Variants in ZNF521 observed in about 807,000 individuals in gnomAD.
ZNF521 encodes the protein zinc finger protein 521.
Under a neutral mutation model 105.5 loss-of-function variants are expected in ZNF521, and 14 were observed. The observed-to-expected ratio is 0.13, with a 90% CI of 0.09 to 0.21. The LOEUF (loss-of-function observed/expected upper bound fraction) is 0.21, where lower values mean the gene tolerates loss of function less well. ZNF521 is among the 10% of genes least tolerant of loss of function. The probability of loss-of-function intolerance (pLI) is 1.00; values close to 1 mark genes in which losing one functional copy is unlikely to be tolerated. For missense variants in ZNF521, 1,233 were observed against 1,629.7 expected (o/e 0.76, Z 4.19); for synonymous variants, 635 against 606.0 (o/e 1.05, Z -0.70).
At chr18:25,207,137 G>A (rs556153784) in intron 4 of ZNF521, among the ~76,000 whole-genome samples, 1 of 152,118 alleles carries the variant, frequency 6.6e-6, no homozygotes, top group East Asian at 1.9e-4. Context: ...AGCTTATATA[G>A]GGTATTGTGG....
chr18:25,139,277 G>A (rs558443981), intron 5 of ZNF521, among the ~76,000 whole-genome samples: 1 of 143,450 alleles, frequency 7.0e-6, no homozygotes, highest in Admixed American at 7.4e-5. Context: ...GGCTAAAGCA[G>A]GAGAATGGCT....
chr18:25,207,797 A>G (rs1281703657), intron 4 of ZNF521, among the ~76,000 whole-genome samples: 1 of 152,216 alleles, frequency 6.6e-6, no homozygotes, highest in African/African-American at 2.4e-5. Context: ...TCATCCCAGA[A>G]AGATTAAACT....
chr18:25,062,752 C>CAAAAAAAT lies in ZNF521; in HGVS notation c.3907-12_3907-11insATTTTTTT. 2.8e-6 allele frequency: 1 copy of CAAAAAAAT among 359,496 alleles called. No homozygotes were observed. Among genetic ancestry groups the CAAAAAAAT allele is most frequent in the East Asian group, 4.7e-5 (1 of 21,420 alleles). The allele number at this position is 359,496 out of a possible 1,614,324, so 22.3% of individuals were successfully genotyped here. On this transcript the variant is annotated splice_polypyrimidine_tract_variant and intron_variant, in intron 7 of 7. Transcript: ENST00000361524. The stretch of plus-strand genomic sequence containing the variant: ...GGTCATTGTATGATTCTGTAAATAA[C>CAAAAAAAT]AAAAAAAAAAAAAAAAAAAAAAAAA...
At chr18:25,272,835 A>T (rs543669592) in intron 3 of ZNF521, among the ~76,000 whole-genome samples, 73 of 152,204 alleles carry the variant, frequency 4.8e-4, no homozygotes, top group African/African-American at 1.7e-3. Flanking sequence ...AGGTGCAGCC[A>T]ACCACCATGG....
chr18:25,121,158 C>T (rs892146508), intron 5 of ZNF521, among the ~76,000 whole-genome samples: 2 of 136,390 alleles, frequency 1.5e-5, no homozygotes, highest in African/African-American at 5.5e-5. Context: ...GTCTCCCAGG[C>T]TGGAGTGCAG....
chr18:25,155,163 T>C (rs2035120087), intron 5 of ZNF521, among the ~76,000 whole-genome samples: 1 of 152,192 alleles, frequency 6.6e-6, no homozygotes, highest in African/African-American at 2.4e-5. Flanking sequence ...TTCTTGTAAC[T>C]GTTGGCCATT....
intron 5 of ZNF521, among the ~76,000 whole-genome samples, chr18:25,140,368 A>T (rs796112492): frequency 2.6e-5 from 4 of 152,346 alleles, no homozygotes; most frequent in African/African-American, 9.6e-5. Context: ...ATATTGTCAG[A>T]GAAAACGTGA....
At chr18:25,142,327 C>A (rs1420787511) in intron 5 of ZNF521, among the ~76,000 whole-genome samples, 1 of 152,170 alleles carries the variant, frequency 6.6e-6, no homozygotes, top group East Asian at 1.9e-4. Flanking sequence ...TGCATCACTA[C>A]TGACTTTTAA....
At chr18:25,180,521 A>AAAAC (rs1555644162) in intron 5 of ZNF521, among the ~76,000 whole-genome samples, 13 of 152,002 alleles carry the variant, frequency 8.6e-5, no homozygotes, top group African/African-American at 3.1e-4. Flanking sequence ...GCAAAAAAAA[A>AAAAC]AAACCCCACA....
chr18:25,239,978 C>T, intron 3 of ZNF521, among the ~76,000 whole-genome samples: 1 of 151,686 alleles, frequency 6.6e-6, no homozygotes, highest in Non-Finnish European at 1.5e-5. Flanking sequence ...TTTTTCAAGC[C>T]ATCTTATCTT....
At chr18:25,296,562 T>G (rs907397433) in intron 3 of ZNF521, among the ~76,000 whole-genome samples, 2 of 152,192 alleles carry the variant, frequency 1.3e-5, no homozygotes, top group African/African-American at 4.8e-5. Context: ...GGAATGAGAA[T>G]CAGAGAATTT....
chr18:25,117,957 G>A (rs892336966), intron 5 of ZNF521, among the ~76,000 whole-genome samples: 1 of 151,836 alleles, frequency 6.6e-6, no homozygotes, highest in Non-Finnish European at 1.5e-5. Flanking sequence ...TAGTTCAAAA[G>A]CAATACAAAG....
chr18:25,242,815 C>T (rs1638283286), intron 3 of ZNF521, among the ~76,000 whole-genome samples: 1 of 152,052 alleles, frequency 6.6e-6, no homozygotes, highest in Non-Finnish European at 1.5e-5. Context: ...CCATCACAGC[C>T]CCCTTAGAGG....
At chr18:25,243,789 A>G (rs1907513381) in intron 3 of ZNF521, among the ~76,000 whole-genome samples, 1 of 152,220 alleles carries the variant, frequency 6.6e-6, no homozygotes, top group African/African-American at 2.4e-5. Context: ...AATTATTGAA[A>G]TAAGTTCTAA....
At chr18:25,233,043 G>A (rs1906639448) in intron 3 of ZNF521, among the ~76,000 whole-genome samples, 1 of 152,122 alleles carries the variant, frequency 6.6e-6, no homozygotes, top group Middle Eastern at 3.4e-3. Context: ...AAGAGAAGTC[G>A]GGCTCTACTT....
At chr18:25,102,552 G>A (rs2033988226) in intron 5 of ZNF521, among the ~76,000 whole-genome samples, 1 of 151,852 alleles carries the variant, frequency 6.6e-6, no homozygotes, top group Admixed American at 6.6e-5. Flanking sequence ...GAGTAAAGGG[G>A]TCTTTGCTCT....
intron 5 of ZNF521, among the ~76,000 whole-genome samples, chr18:25,160,463 G>A (rs2035230336): frequency 6.6e-6 from 1 of 152,148 alleles, no homozygotes; most frequent in Non-Finnish European, 1.5e-5. Flanking sequence ...CAAGAGCTAA[G>A]ACTCACTCAT....
At chr18:25,313,739 T>A (rs1912451498) in intron 3 of ZNF521, among the ~76,000 whole-genome samples, 2 of 152,372 alleles carry the variant, frequency 1.3e-5, no homozygotes, top group African/African-American at 4.8e-5. Context: ...GAATGTTGTA[T>A]AATGCATGTA....
intron 3 of ZNF521, among the ~76,000 whole-genome samples, chr18:25,320,706 T>A (rs1162236923): frequency 6.6e-6 from 1 of 152,322 alleles, no homozygotes; most frequent in East Asian, 1.9e-4. Flanking sequence ...CTTATATTAT[T>A]TTTTCAAGTT....
Sources: gnomAD v4.1 joint callset for allele counts (sites outside exome capture counted in the v4.1 genomes callset) on GRCh38, gnomAD v4.1.1 for gene constraint, MANE v1.5 for transcripts, NCBI Gene and HGNC (gene_info 2026-07-23, HGNC 2026-07-21) for gene names.